KCNH5: variants seen among roughly 807,000 people sequenced by gnomAD.
The protein encoded by KCNH5 is voltage-gated delayed rectifier potassium channel KCNH5.
In KCNH5, 46 loss-of-function variants were observed where a neutral mutation model predicts 96.1. The ratio of observed to expected loss-of-function variants is 0.48; its 90% CI spans 0.38 to 0.61. KCNH5 has a LOEUF of 0.61. Among genes scored for constraint, KCNH5 ranks in the 20% least tolerant of loss-of-function variants. The pLI is 0.00. For missense variants in KCNH5, 907 were observed against 1,225.8 expected, an observed-to-expected ratio of 0.74 and a Z score of 3.88; for synonymous variants, 439 against 449.8, an observed-to-expected ratio of 0.98 and a Z score of 0.30.
Position 63,001,358 on chromosome 14 carries a change from G to A in KCNH5, c.406C>T (p.Gln136Ter), listed in dbSNP as rs527943803. The change falls in exon 4 of 11, where the codon CAG becomes TAG. Residue 136 changes from glutamine to a stop codon, truncating the protein, a stop_gained. Transcript: ENST00000322893. LOFTEE classifies it high-confidence loss of function. ...CTFKDITLFK[Q>*]PIEDDSTKGW... The stretch of plus-strand genomic sequence containing the variant: ...TTTGTTGAATCATCCTCTATTGGCT[G>A]TTTGAACAACGTAATATCCTTGAAA... 1 of 1,610,292 alleles carries A rather than the reference G, an allele frequency of 6.2e-7. No individual in the cohort carries two copies. Among genetic ancestry groups the A allele is most frequent in the South Asian group, 1.1e-5 (1 of 90,072 alleles).
At chr14:62,767,252 G>C (rs571498648) in intron 10 of KCNH5, among the ~76,000 whole-genome samples, 36 of 152,284 alleles carry the variant, frequency 2.4e-4, no homozygotes, top group African/African-American at 7.9e-4. Context: ...ACCTACTGTG[G>C]AAAGCAGCTT....
chr14:62,888,824 T>C (rs981539088), intron 7 of KCNH5, among the ~76,000 whole-genome samples: 2 of 152,170 alleles, frequency 1.3e-5, no homozygotes, highest in Non-Finnish European at 2.9e-5. Flanking sequence ...ATTGTTAATA[T>C]CACAGAAAAG....
At chr14:62,738,193 G>A (rs1228665533) in intron 10 of KCNH5, among the ~76,000 whole-genome samples, 1 of 152,156 alleles carries the variant, frequency 6.6e-6, no homozygotes, top group Non-Finnish European at 1.5e-5. Flanking sequence ...TACACAGTAG[G>A]TATATGCCAG....
chr14:62,949,989 A>T lies in KCNH5; in HGVS notation c.1369+144T>A, dbSNP rs947315901. On this transcript the variant is annotated intron_variant, in intron 7 of 10. Transcript: ENST00000322893. ...TATTATTTTGCATTTCTATTTTCTA[A>T]GGTAGATTAAAAAAAACAATTGCAA... is the stretch of plus-strand genomic sequence containing the variant. 7 of 657,136 alleles carry T rather than the reference A, an allele frequency of 1.1e-5. No individual in the cohort carries two copies. The African/African-American group carries it at 1.3e-4, about 12-fold the overall frequency. The allele number at this position is 657,136 out of a possible 1,614,324, so 40.7% of individuals were successfully genotyped here.
Position 62,802,324 on chromosome 14 carries a change from A to G in KCNH5, c.1822+5T>C, listed in dbSNP as rs1224852549. Reference sequence around the variant, plus strand: ...TTGCTACTACATTAGGAAAGTTCACAGTACCTAAAATAGCCACCACCTCAT... The same window carrying G: ...TTGCTACTACATTAGGAAAGTTCACGGTACCTAAAATAGCCACCACCTCAT... On this transcript the variant is annotated splice_donor_5th_base_variant and intron_variant, in intron 9 of 10. Transcript: ENST00000322893. The G allele has an allele frequency of 6.2e-7, 1 of 1,613,006 alleles. No individual in the cohort carries two copies. Among genetic ancestry groups the G allele is most frequent in the Middle Eastern group, 1.7e-4 (1 of 6,052 alleles).
At chr14:62,770,173 G>A (rs550632131) in intron 10 of KCNH5, among the ~76,000 whole-genome samples, 2 of 152,226 alleles carry the variant, frequency 1.3e-5, no homozygotes, top group East Asian at 3.9e-4. Context: ...GAAGATGCTC[G>A]TATTGCTACT....
intron 2 of KCNH5, among the ~76,000 whole-genome samples, chr14:63,011,201 G>A (rs557308520): frequency 6.8e-4 from 104 of 152,190 alleles, no homozygotes; most frequent in African/African-American, 2.4e-3. Flanking sequence ...TACAGTTTTC[G>A]GCCCGGCACA....
At chr14:62,748,082 T>C (rs958127356) in intron 10 of KCNH5, among the ~76,000 whole-genome samples, 4 of 152,180 alleles carry the variant, frequency 2.6e-5, no homozygotes, top group Admixed American at 2.0e-4. Context: ...GAGGGTTCTT[T>C]GATCTTGCAC....
At chr14:63,002,409 C>T (rs1891027589) in intron 3 of KCNH5, among the ~76,000 whole-genome samples, 1 of 152,164 alleles carries the variant, frequency 6.6e-6, no homozygotes, top group African/African-American at 2.4e-5. Flanking sequence ...ATCAAAGAGA[C>T]ACATTTACAT....
chr14:62,931,830 A>G (rs1237970099), intron 7 of KCNH5, among the ~76,000 whole-genome samples: 1 of 152,144 alleles, frequency 6.6e-6, no homozygotes. Flanking sequence ...ACACTTCAGC[A>G]GACTAGAGAG....
At chr14:62,842,240 A>G (rs1887600316) in intron 8 of KCNH5, among the ~76,000 whole-genome samples, 1 of 152,228 alleles carries the variant, frequency 6.6e-6, no homozygotes, top group African/African-American at 2.4e-5. Context: ...TACTATTATA[A>G]AAAGTATTGC....
chr14:62,806,412 T>C lies in KCNH5; in HGVS notation c.1570-3831A>G, dbSNP rs578236459. Among the ~76,000 whole-genome samples the C allele has an allele frequency of 1.1e-4, 17 of 152,254 alleles. No homozygotes were observed. The East Asian group carries it at 3.3e-3, about 29-fold the overall frequency. On this transcript the variant is annotated intron_variant, in intron 8 of 10. Coordinates refer to ENST00000322893, the MANE Select transcript of KCNH5 (RefSeq NM_139318.5). ...GGGGTCTGGATCGGGACCTCTTTCC[T>C]GTAACATATTTCTGGCAACCACAGA...
chr14:62,785,001 C>T (rs138472128), intron 9 of KCNH5, among the ~76,000 whole-genome samples: 147 of 152,234 alleles, frequency 9.7e-4, no homozygotes, highest in African/African-American at 3.4e-3. Context: ...ATTCTGCCCC[C>T]AACATCAGAA....
At chr14:62,913,597 A>C (rs1192521289) in intron 7 of KCNH5, among the ~76,000 whole-genome samples, 2 of 152,130 alleles carry the variant, frequency 1.3e-5, no homozygotes, top group Admixed American at 6.5e-5. Context: ...TGGTTTGTTT[A>C]ATTAGTAGGG....
chr14:62,874,540 C>T (rs971805991), intron 7 of KCNH5, among the ~76,000 whole-genome samples: 12 of 151,860 alleles, frequency 7.9e-5, no homozygotes, highest in South Asian at 2.1e-4. Context: ...GTTCAATATA[C>T]GCAAATCAAT....
chr14:62,783,661 A>G (rs988997887), intron 9 of KCNH5, among the ~76,000 whole-genome samples: 4 of 152,178 alleles, frequency 2.6e-5, no homozygotes, highest in African/African-American at 9.6e-5. Flanking sequence ...ACTGCATGTA[A>G]TATTCACTAT....
intron 8 of KCNH5, among the ~76,000 whole-genome samples, chr14:62,831,940 T>A (rs1595644542): frequency 6.6e-6 from 1 of 152,190 alleles, no homozygotes; most frequent in East Asian, 1.9e-4. Flanking sequence ...CTTAAACTCC[T>A]TGGCTCAAAC....
chr14:63,043,230 C>G (rs534399042), intron 1 of KCNH5, among the ~76,000 whole-genome samples: 3 of 152,176 alleles, frequency 2.0e-5, no homozygotes, highest in Admixed American at 6.5e-5. Context: ...ACCACAGTTG[C>G]TATATTAATA....
At chr14:63,003,625 T>TATATATATATATATA (rs1491255743) in intron 3 of KCNH5, among the ~76,000 whole-genome samples, 3 of 103,710 alleles carry the variant, frequency 2.9e-5, no homozygotes, top group African/African-American at 9.0e-5. Context: ...TATATATATA[T>TATATATATATATATA]TTTTTTTTTT....
Sources: allele counts gnomAD v4.1 joint callset (sites outside exome capture counted in the v4.1 genomes callset), GRCh38; gene constraint gnomAD v4.1.1; transcripts MANE v1.5; gene names NCBI Gene and HGNC (gene_info 2026-07-23, HGNC 2026-07-21).